Variants in IL1RAPL2 observed in about 807,000 individuals in gnomAD.
IL1RAPL2 encodes the protein X-linked interleukin-1 receptor accessory protein-like 2.
Under a neutral mutation model 44.1 loss-of-function variants are expected in IL1RAPL2, and 3 were observed. The ratio of observed to expected loss-of-function variants is 0.07; its 90% CI spans 0.03 to 0.18. The LOEUF is 0.18. Ranked by LOEUF, IL1RAPL2 falls within the 10% of genes least tolerant of loss-of-function variation. The pLI is 1.00. For missense variants in IL1RAPL2, 391 were observed against 496.4 expected, an observed-to-expected ratio of 0.79 and a Z score of 2.02; for synonymous variants, 181 against 178.8, an observed-to-expected ratio of 1.01 and a Z score of -0.10.
intron 2 of IL1RAPL2, among the ~76,000 whole-genome samples, chrX:104,668,274 T>C (rs12690006): frequency 0.37 from 40,681 of 109,508 alleles, 6,061 homozygotes; most frequent in East Asian, 0.61. Context: ...GGGGCAAGGT[T>C]GCTGAGACAT....
chrX:105,034,927 A>T (rs1047511114), intron 2 of IL1RAPL2, among the ~76,000 whole-genome samples: 1 of 19,762 alleles, frequency 5.1e-5, no homozygotes, highest in Non-Finnish European at 8.7e-5. Flanking sequence ...TTACCTAATC[A>T]AGCCTGGGCA....
chrX:104,958,191 G>A (rs2029936631), intron 2 of IL1RAPL2, among the ~76,000 whole-genome samples: 2 of 111,042 alleles, frequency 1.8e-5, no homozygotes, highest in African/African-American at 6.6e-5. Flanking sequence ...TTTGTACCAG[G>A]CTCCACAAAT....
intron 2 of IL1RAPL2, among the ~76,000 whole-genome samples, chrX:104,689,937 CCT>C (rs1327154898): frequency 1.8e-5 from 2 of 111,903 alleles, no homozygotes; most frequent in African/African-American, 6.5e-5. Flanking sequence ...TCACTGTTCC[CCT>C]GTGTTATCTG....
intron 1 of IL1RAPL2, among the ~76,000 whole-genome samples, chrX:104,585,265 A>AAT (rs1928497082): frequency 1.2e-4 from 3 of 24,495 alleles, no homozygotes; most frequent in African/African-American, 6.1e-4. Context: ...ATATATATAT[A>AAT]ATATATTATA....
At chrX:104,986,076 C>A (rs947447209) in intron 2 of IL1RAPL2, among the ~76,000 whole-genome samples, 1 of 112,144 alleles carries the variant, frequency 8.9e-6, no homozygotes, top group Non-Finnish European at 1.9e-5. Flanking sequence ...TGCTCAAATT[C>A]TACCTCTTCT....
intron 1 of IL1RAPL2, among the ~76,000 whole-genome samples, chrX:104,592,927 T>G (rs1928697444): frequency 8.9e-6 from 1 of 111,773 alleles, no homozygotes; most frequent in South Asian, 3.7e-4. Context: ...TTCTAGCCAC[T>G]GAAAAGTACT....
At chrX:105,062,421 C>T (rs1264247289) in intron 2 of IL1RAPL2, among the ~76,000 whole-genome samples, 2 of 111,273 alleles carry the variant, frequency 1.8e-5, no homozygotes, top group Non-Finnish European at 3.8e-5. Flanking sequence ...TTATTATTTT[C>T]GATTGTCTCA....
chrX:105,023,021 A>G (rs2031308600), intron 2 of IL1RAPL2, among the ~76,000 whole-genome samples: 1 of 110,992 alleles, frequency 9.0e-6, no homozygotes, highest in Non-Finnish European at 1.9e-5. Flanking sequence ...TGTAGAAAGG[A>G]GATAGAATGT....
intron 2 of IL1RAPL2, among the ~76,000 whole-genome samples, chrX:105,173,909 T>C (rs2033448600): frequency 9.1e-6 from 1 of 110,140 alleles, no homozygotes; most frequent in Non-Finnish European, 1.9e-5. Flanking sequence ...ATTTTTTGTA[T>C]TTTAGTGGAG....
intron 5 of IL1RAPL2, among the ~76,000 whole-genome samples, chrX:105,311,996 A>G (rs1185686721): frequency 8.9e-6 from 1 of 111,996 alleles, no homozygotes; most frequent in Non-Finnish European, 1.9e-5. Flanking sequence ...GGAGTTACCA[A>G]TTCAGACATC....
At chrX:105,385,554 T>G (rs1009487509) in intron 5 of IL1RAPL2, among the ~76,000 whole-genome samples, 1 of 110,903 alleles carries the variant, frequency 9.0e-6, no homozygotes, top group Admixed American at 9.7e-5. Flanking sequence ...AATAAATGTA[T>G]AAACTATAGT....
At chrX:105,749,915 A>G (rs1213037941) in intron 9 of IL1RAPL2, among the ~76,000 whole-genome samples, 2 of 111,993 alleles carry the variant, frequency 1.8e-5, no homozygotes, top group Non-Finnish European at 3.8e-5. Context: ...ATAGAATGCC[A>G]CAGGTAAGCC....
intron 2 of IL1RAPL2, among the ~76,000 whole-genome samples, chrX:105,014,410 C>G (rs2031128626): frequency 9.0e-6 from 1 of 110,674 alleles, no homozygotes; most frequent in African/African-American, 3.3e-5. Context: ...GTATGCTGCA[C>G]CCATCGACCC....
chrX:104,886,469 T>C (rs1161905555), intron 2 of IL1RAPL2, among the ~76,000 whole-genome samples: 1 of 112,162 alleles, frequency 8.9e-6, no homozygotes, highest in African/African-American at 3.2e-5. Flanking sequence ...AGGATATTGT[T>C]AAACATTTAA....
Position 104,944,205 on chromosome X carries a change from C to T in IL1RAPL2, c.83-251270C>T, listed in dbSNP as rs1416831740. 2.7e-5 allele frequency among the ~76,000 whole-genome samples: 3 copies of T among 111,663 alleles called. No homozygotes were observed. In the Admixed American group the frequency reaches 2.9e-4, roughly 11 times the overall value. The stretch of plus-strand genomic sequence containing the variant: ...AGTACTCTTTATCACTTTCTAAAAA[C>T]ATTTTGAATATTTATACCTCCTCTA... On this transcript the variant is annotated intron_variant, in intron 2 of 10. Transcript: ENST00000372582.
intron 1 of IL1RAPL2, among the ~76,000 whole-genome samples, chrX:104,638,251 T>G (rs1453525506): frequency 9.0e-6 from 1 of 111,645 alleles, no homozygotes; most frequent in African/African-American, 3.3e-5. Flanking sequence ...GTGTTCTATC[T>G]TTTTTGTTGG....
chrX:105,330,572 T>C (rs188443657), intron 5 of IL1RAPL2, among the ~76,000 whole-genome samples: 5 of 111,548 alleles, frequency 4.5e-5, no homozygotes, highest in African/African-American at 1.3e-4. Context: ...AAATTCACCA[T>C]GTTACCTAAA....
chrX:104,986,829 G>T (rs1411114099), intron 2 of IL1RAPL2, among the ~76,000 whole-genome samples: 1 of 111,966 alleles, frequency 8.9e-6, no homozygotes, highest in Non-Finnish European at 1.9e-5. Context: ...CTGGGATTTT[G>T]TGTATAGAAA....
chrX:105,749,185 G>A, intron 9 of IL1RAPL2, 82 bp downstream of exon 9: 1 of 990,900 alleles, frequency 1.0e-6, no homozygotes, highest in Admixed American at 2.6e-5. Context: ...TTTTTAGAAA[G>A]TATAAGCTGA....
Sources: allele counts gnomAD v4.1 joint callset (sites outside exome capture counted in the v4.1 genomes callset), GRCh38; gene constraint gnomAD v4.1.1; transcripts MANE v1.5; gene names NCBI Gene and HGNC (gene_info 2026-07-23, HGNC 2026-07-21).